The following RAPGEF5 variants were observed in gnomAD, a reference collection of about 807,000 sequenced individuals.
The protein encoded by RAPGEF5 is Rap guanine nucleotide exchange factor 5.
RAPGEF5 carries 65 observed loss-of-function variants against 125.2 expected under a neutral mutation model. The ratio of observed to expected loss-of-function variants is 0.52; its 90% CI spans 0.43 to 0.64. The LOEUF is 0.64. Among genes scored for constraint, RAPGEF5 ranks in the 30% least tolerant of loss-of-function variants. The pLI, the probability that RAPGEF5 is intolerant of heterozygous loss-of-function variation, is 0.00. For synonymous variants in RAPGEF5, 391 were observed against 385.9 expected, an observed-to-expected ratio of 1.01 and a Z score of -0.16; for missense variants, 958 against 1,048.1, an observed-to-expected ratio of 0.91 and a Z score of 1.19.
intron 8 of RAPGEF5, among the ~76,000 whole-genome samples, chr7:22,228,683 T>C (rs1308693439): frequency 6.6e-6 from 1 of 151,598 alleles, no homozygotes; most frequent in African/African-American, 2.4e-5. Context: ...AATTTTTTTT[T>C]TTTTTTTTTT....
intron 6 of RAPGEF5, among the ~76,000 whole-genome samples, chr7:22,270,304 A>C (rs114210810): frequency 0.023 from 3,529 of 152,236 alleles, 141 homozygotes; most frequent in African/African-American, 0.081. Flanking sequence ...GTGTCTGAGT[A>C]CTCATTTCAT....
At chr7:22,309,404 A>C (rs1783419263) in intron 4 of RAPGEF5, among the ~76,000 whole-genome samples, 1 of 152,216 alleles carries the variant, frequency 6.6e-6, no homozygotes, top group Non-Finnish European at 1.5e-5. Flanking sequence ...GACTGGGCTA[A>C]ATAAATAATC....
chr7:22,240,227 A>G (rs1786294530), intron 7 of RAPGEF5, among the ~76,000 whole-genome samples: 1 of 151,516 alleles, frequency 6.6e-6, no homozygotes, highest in Admixed American at 6.6e-5. Flanking sequence ...AAAAAAAAAA[A>G]AGTTTTCTTT....
intron 24 of RAPGEF5, among the ~76,000 whole-genome samples, chr7:22,129,881 A>AC (rs1782862299): frequency 6.6e-6 from 1 of 151,922 alleles, no homozygotes; most frequent in Non-Finnish European, 1.5e-5. Flanking sequence ...AGAGCCAACT[A>AC]CACTGTTCCC....
intron 6 of RAPGEF5, among the ~76,000 whole-genome samples, chr7:22,287,000 G>A (rs1158735358): frequency 2.6e-5 from 4 of 152,158 alleles, no homozygotes; most frequent in African/African-American, 4.8e-5. Context: ...TAGCACCAGA[G>A]GATATTAGAA....
chr7:22,200,333 A>G (rs1362885993), intron 9 of RAPGEF5, among the ~76,000 whole-genome samples: 2 of 152,234 alleles, frequency 1.3e-5, no homozygotes, highest in Non-Finnish European at 2.9e-5. Flanking sequence ...AAAAAGGTCA[A>G]AAGAATATTG....
intron 6 of RAPGEF5, among the ~76,000 whole-genome samples, chr7:22,278,891 A>T (rs1201852740): frequency 6.6e-6 from 1 of 152,010 alleles, no homozygotes; most frequent in Non-Finnish European, 1.5e-5. Flanking sequence ...TGCCTTTTGT[A>T]TCTGACCTGT....
intron 5 of RAPGEF5, among the ~76,000 whole-genome samples, chr7:22,299,492 G>T (rs1783146443): frequency 6.6e-6 from 1 of 151,926 alleles, no homozygotes; most frequent in Non-Finnish European, 1.5e-5. Flanking sequence ...CCCACCAAAT[G>T]TTTCCTTTCA....
intron 1 of RAPGEF5, among the ~76,000 whole-genome samples, chr7:22,355,768 G>T (rs777174584): frequency 2.6e-5 from 4 of 152,124 alleles, no homozygotes; most frequent in Non-Finnish European, 5.9e-5. Context: ...CCAAAGGAGG[G>T]CGCATGAAAA....
At chr7:22,166,391 GGAA>G (rs1426954582) in intron 12 of RAPGEF5, among the ~76,000 whole-genome samples, 3 of 152,142 alleles carry the variant, frequency 2.0e-5, no homozygotes, top group Non-Finnish European at 4.4e-5. Flanking sequence ...ATACTGTGAA[GGAA>G]GAAGATCATT....
intron 20 of RAPGEF5, among the ~76,000 whole-genome samples, chr7:22,144,627 C>A (rs368984184): frequency 6.6e-6 from 1 of 152,118 alleles, no homozygotes; most frequent in South Asian, 2.1e-4. Context: ...TGAACGAGTT[C>A]GCAAAAGTTC....
intron 5 of RAPGEF5, among the ~76,000 whole-genome samples, chr7:22,298,955 T>C (rs1783131473): frequency 6.6e-6 from 1 of 152,192 alleles, no homozygotes; most frequent in African/African-American, 2.4e-5. Context: ...ATTCCTTCTT[T>C]TATTCCTGAT....
chr7:22,308,128 A>G lies in RAPGEF5; in HGVS notation c.680+211T>C, dbSNP rs529570420. 6.3e-4 allele frequency among the ~76,000 whole-genome samples: 96 copies of G among 152,334 alleles called. 1 individual carries two copies. The highest frequency in any genetic ancestry group is 2.3e-3 in the African/African-American group (95 of 41,586). On this transcript the variant is annotated intron_variant, in intron 5 of 25. Transcript: ENST00000665637. The stretch of plus-strand genomic sequence containing the variant: ...AACCACATGGTACAGATGGTTAGGC[A>G]TAGGCTTCTGGGATTTAAATACCAG...
At position 22,145,142 on chromosome 7, in the gene RAPGEF5, G is replaced by T; in HGVS notation, c.2088C>A (p.Cys696Ter). The T allele has an allele frequency of 6.2e-7, 1 of 1,613,782 alleles. No homozygotes were observed. Among genetic ancestry groups the T allele is most frequent in the Non-Finnish European group, 8.5e-7 (1 of 1,179,796 alleles). Residue 696 changes from cysteine (C) to a stop codon, truncating the protein, a stop_gained, in exon 20 of 26, where the codon TGC becomes TGA. Coordinates refer to ENST00000665637, the MANE Select transcript of RAPGEF5 (RefSeq NM_012294.5). LOFTEE classifies it high-confidence loss of function. ...TANLSLLLQRCNEVQLWVATE... is the reference protein window; with the variant it reads ...TANLSLLLQR ...TGGCCACCCAAAGCTGGACCTCATT[G>T]CATCTCTGGAGCAGAAGGCTGAGAT...
At chr7:22,290,650 C>T (rs959178850) in intron 6 of RAPGEF5, among the ~76,000 whole-genome samples, 1 of 148,016 alleles carries the variant, frequency 6.8e-6, no homozygotes, top group Non-Finnish European at 1.5e-5. Context: ...GAGGCTGAGG[C>T]AGGAGAATGG....
chr7:22,236,568 C>G (rs988074887), intron 7 of RAPGEF5, among the ~76,000 whole-genome samples: 10 of 152,190 alleles, frequency 6.6e-5, no homozygotes, highest in Non-Finnish European at 1.2e-4. Flanking sequence ...TCATGGTCCT[C>G]CTTCCCCTGA....
At chr7:22,157,451 C>G (rs963062056) in intron 15 of RAPGEF5, among the ~76,000 whole-genome samples, 1 of 152,222 alleles carries the variant, frequency 6.6e-6, no homozygotes, top group African/African-American at 2.4e-5. Context: ...TTCCCACTTG[C>G]TACCTTCTCT....
chr7:22,240,695 T>A (rs1051268587), intron 7 of RAPGEF5, among the ~76,000 whole-genome samples: 7 of 152,188 alleles, frequency 4.6e-5, no homozygotes, highest in Non-Finnish European at 1.0e-4. Context: ...TTTTTGTGCC[T>A]TTCAATGTTG....
chr7:22,329,003 A>G (rs537551858), intron 1 of RAPGEF5, among the ~76,000 whole-genome samples: 2 of 152,280 alleles, frequency 1.3e-5, no homozygotes, highest in South Asian at 2.1e-4. Flanking sequence ...GTTCCAATTT[A>G]CGTGTATTCT....
Sources: gnomAD v4.1 joint callset for allele counts (sites outside exome capture counted in the v4.1 genomes callset) on GRCh38, gnomAD v4.1.1 for gene constraint, MANE v1.5 for transcripts, NCBI Gene and HGNC (gene_info 2026-07-23, HGNC 2026-07-21) for gene names.